The following MEIOB variants were observed in gnomAD, a reference collection of about 807,000 sequenced individuals.
MEIOB encodes meiosis-specific with OB domain-containing protein.
MEIOB carries 50 observed loss-of-function variants against 53.1 expected under a neutral mutation model. The observed-to-expected ratio is 0.94, with a 90% CI of 0.75 to 1.19. The LOEUF (loss-of-function observed/expected upper bound fraction) is 1.19. Ranked by LOEUF, MEIOB falls within the 50% of genes most tolerant of loss-of-function variation. The pLI is 0.00. For missense variants in MEIOB, 551 were observed against 550.8 expected (o/e 1.00, Z 0.00); for synonymous variants, 192 against 182.5 (o/e 1.05, Z -0.42).
At chr16:1,845,310 G>A (rs1046907138) in intron 9 of MEIOB, among the ~76,000 whole-genome samples, 1 of 152,160 alleles carries the variant, frequency 6.6e-6, no homozygotes, top group Non-Finnish European at 1.5e-5. Context: ...ACAAGGTCAG[G>A]AGATGGAGAC....
intron 4 of MEIOB, among the ~76,000 whole-genome samples, chr16:1,861,242 G>A (rs937026679): frequency 6.6e-6 from 1 of 152,190 alleles, no homozygotes; most frequent in Non-Finnish European, 1.5e-5. Flanking sequence ...ACTGGGGTGA[G>A]TAGATGTAAA....
chr16:1,848,784 T>C (rs540146435), intron 9 of MEIOB, among the ~76,000 whole-genome samples: 2 of 152,182 alleles, frequency 1.3e-5, no homozygotes, highest in African/African-American at 4.8e-5. Flanking sequence ...CCTCAAGTGA[T>C]CCGCCCACCT....
chr16:1,856,587 G>A (rs1899312059), intron 6 of MEIOB, among the ~76,000 whole-genome samples: 1 of 151,642 alleles, frequency 6.6e-6, no homozygotes. Context: ...CCAAAGTGCT[G>A]GGATTACAGG....
rs1270220442 is a variant in MEIOB at position 1,834,369 on chromosome 16, G to A, written c.1306-3C>T. 1.1e-5 allele frequency: 16 copies of A among 1,514,410 alleles called. No individual in the cohort carries two copies. Among genetic ancestry groups the A allele is most frequent in the African/African-American group, 1.4e-5 (1 of 72,446 alleles). The allele number at this position is 1,514,410 out of a possible 1,614,324, so 93.8% of individuals were successfully genotyped here. A position where few individuals can be genotyped will look rare whatever the true frequency, so the allele number is the denominator to read the frequency against. On this transcript the variant is annotated splice_polypyrimidine_tract_variant and splice_region_variant and intron_variant, in intron 13 of 13. Transcript: ENST00000325962. Reference sequence around the variant, plus strand: ...CTTGCTCTGTGTGATAGAACGAACTGCGAGGAGAAACAGAAAAAGAGACAA... The same window carrying A: ...CTTGCTCTGTGTGATAGAACGAACTACGAGGAGAAACAGAAAAAGAGACAA...
intron 4 of MEIOB, 52 bp from the exon 5 acceptor site, chr16:1,860,527 C>A: frequency 2.0e-6 from 2 of 1,019,966 alleles, no homozygotes; most frequent in Non-Finnish European, 3.0e-6. Context: ...ACAAGATAAA[C>A]ACTAACATCC....
chr16:1,867,903 T>G (rs1381522922), intron 2 of MEIOB, among the ~76,000 whole-genome samples: 3 of 47,252 alleles, frequency 6.3e-5, no homozygotes. Context: ...TCTTCTACTC[T>G]ACACACAAAG....
intron 1 of MEIOB, among the ~76,000 whole-genome samples, chr16:1,870,294 A>T (rs1452350644): frequency 6.6e-6 from 1 of 152,226 alleles, no homozygotes; most frequent in Non-Finnish European, 1.5e-5. Flanking sequence ...CAGATGAACG[A>T]AATGGTGGTT....
At chr16:1,840,920 T>C (rs1898889472) in intron 11 of MEIOB, 1 of 151,980 alleles carries the variant, frequency 6.6e-6, no homozygotes, top group African/African-American at 2.4e-5. Flanking sequence ...TAAAAATCCA[T>C]AGAGAGACTT....
chr16:1,847,335 G>A (rs992737996), intron 9 of MEIOB, among the ~76,000 whole-genome samples: 1 of 151,620 alleles, frequency 6.6e-6, no homozygotes, highest in Non-Finnish European at 1.5e-5. Flanking sequence ...GGTGGTGCGC[G>A]CCTGTAATCC....
rs537852772 is a variant in MEIOB at position 1,865,578 on chromosome 16, T to G, written c.127+200A>C. Among the ~76,000 whole-genome samples, 681 of 120,786 alleles carry G rather than the reference T, an allele frequency of 5.6e-3. 2 individuals are homozygous for G. Among genetic ancestry groups the G allele is most frequent in the Non-Finnish European group, 7.3e-3 (391 of 53,908 alleles). 79.2% of individuals were successfully genotyped at this position (120,786 alleles called of 152,430 possible). On this transcript the variant is annotated intron_variant, in intron 3 of 13. Transcript: ENST00000325962. ...ACACATATGTGTGTATGTATACATA[T>G]ATATAGAGAGAGAGAGAGAATGTGG...
chr16:1,847,031 T>C, intron 9 of MEIOB, among the ~76,000 whole-genome samples: 1 of 151,860 alleles, frequency 6.6e-6, no homozygotes. Flanking sequence ...GGCACACACC[T>C]GTAGTCCCAG....
At chr16:1,844,477 G>T (rs1898984419) in intron 10 of MEIOB, among the ~76,000 whole-genome samples, 1 of 151,520 alleles carries the variant, frequency 6.6e-6, no homozygotes, top group South Asian at 2.1e-4. Context: ...ATACAGTCTT[G>T]TTCTGACACC....
intron 11 of MEIOB, 129 bp from the exon 12 acceptor site, chr16:1,839,567 T>C (rs1898844495): frequency 1.3e-6 from 1 of 789,326 alleles, no homozygotes; most frequent in African/African-American, 1.8e-5. Flanking sequence ...TTCAGTGCTA[T>C]GCGGTCTACA....
chr16:1,865,973 G>A, intron 2 of MEIOB, 138 bp from the exon 3 acceptor site: 1 of 598,752 alleles, frequency 1.7e-6, no homozygotes, highest in South Asian at 2.3e-5. Context: ...TTTATTCCAG[G>A]CAAACATCTA....
intron 13 of MEIOB, among the ~76,000 whole-genome samples, chr16:1,836,933 C>T (rs1657150): frequency 1.5e-3 from 226 of 152,250 alleles, no homozygotes; most frequent in African/African-American, 5.1e-3. Flanking sequence ...CATTAACTTG[C>T]GGGAGAATAC....
intron 1 of MEIOB, among the ~76,000 whole-genome samples, chr16:1,871,020 A>C (rs934206938): frequency 2.6e-5 from 4 of 152,178 alleles, no homozygotes; most frequent in African/African-American, 9.6e-5. Flanking sequence ...GTATCCTATT[A>C]TCTCTCTGAA....
intron 9 of MEIOB, among the ~76,000 whole-genome samples, chr16:1,847,287 C>A (rs1443380678): frequency 6.6e-6 from 1 of 151,544 alleles, no homozygotes; most frequent in Non-Finnish European, 1.5e-5. Context: ...CATTGTGAAA[C>A]CCCGTCTCTA....
intron 6 of MEIOB, among the ~76,000 whole-genome samples, chr16:1,855,961 A>G (rs181766513): frequency 4.6e-4 from 63 of 137,312 alleles, no homozygotes; most frequent in Non-Finnish European, 7.7e-4. Context: ...CTTGACTATC[A>G]TCCCTCTCTA....
At chr16:1,839,568 G>GC in intron 11 of MEIOB, 130 bp from the exon 12 acceptor site, 4 of 784,364 alleles carry the variant, frequency 5.1e-6, no homozygotes, top group East Asian at 2.7e-5. Context: ...TCAGTGCTAT[G>GC]CGGTCTACAA....
Sources: gnomAD v4.1 joint callset for allele counts (sites outside exome capture counted in the v4.1 genomes callset) on GRCh38, gnomAD v4.1.1 for gene constraint, MANE v1.5 for transcripts, NCBI Gene and HGNC (gene_info 2026-07-23, HGNC 2026-07-21) for gene names.